The following GALNT10 variants were observed in gnomAD, a reference collection of about 807,000 sequenced individuals.
GALNT10 encodes the protein polypeptide N-acetylgalactosaminyltransferase 10.
Under a neutral mutation model 75.0 loss-of-function variants are expected in GALNT10, and 41 were observed. That is an observed-to-expected ratio of 0.55 (90% CI 0.43 to 0.71). The LOEUF is 0.71. Among genes scored for constraint, GALNT10 ranks in the 30% least tolerant of loss-of-function variants. GALNT10 has a pLI of 0.00. For synonymous variants in GALNT10, 302 were observed against 313.0 expected (o/e 0.96, Z 0.37); for missense variants, 727 against 818.5 (o/e 0.89, Z 1.36).
chr5:154,345,457 C>T (rs1458350344), intron 4 of GALNT10, among the ~76,000 whole-genome samples: 1 of 152,058 alleles, frequency 6.6e-6, no homozygotes, highest in Non-Finnish European at 1.5e-5. Flanking sequence ...CTATTTCCCC[C>T]ACCCGGAGCC....
chr5:154,410,499 C>T (rs1197213692), intron 9 of GALNT10, among the ~76,000 whole-genome samples: 3 of 152,190 alleles, frequency 2.0e-5, no homozygotes, highest in Non-Finnish European at 4.4e-5. Context: ...TTCCAGTGAG[C>T]TGTGCTCGTG....
At chr5:154,230,928 C>T (rs1338288093) in intron 1 of GALNT10, among the ~76,000 whole-genome samples, 1 of 152,216 alleles carries the variant, frequency 6.6e-6, no homozygotes, top group Non-Finnish European at 1.5e-5. Context: ...GAAAGTCAAG[C>T]TTATTTGACG....
chr5:154,301,421 T>G (rs779673702), intron 3 of GALNT10, among the ~76,000 whole-genome samples: 6 of 152,178 alleles, frequency 3.9e-5, no homozygotes. Context: ...ATATAATGAT[T>G]GTATATATTT....
chr5:154,192,816 T>A (rs1315178580), intron 1 of GALNT10, among the ~76,000 whole-genome samples: 2 of 152,164 alleles, frequency 1.3e-5, no homozygotes, highest in Non-Finnish European at 2.9e-5. Flanking sequence ...TGCTTGACAT[T>A]CTGCCTCTGC....
In GALNT10 at chr5:154,368,970, A is replaced by G. The variant is rs113849931; in HGVS notation, c.569-7307A>G. 6.5e-3 allele frequency among the ~76,000 whole-genome samples: 984 copies of G among 152,314 alleles called. 13 individuals are homozygous for G. The highest frequency in any genetic ancestry group is 0.023 in the African/African-American group (948 of 41,570). ...AGCTTTGGAATCAGAAATACCTGCT[A>G]TGATTCCTGGCTGTCACCTACCAGC... On this transcript the variant is annotated intron_variant, in intron 4 of 11. Coordinates refer to ENST00000297107, the MANE Select transcript of GALNT10 (RefSeq NM_198321.4).
At chr5:154,196,869 T>C (rs1222200964) in intron 1 of GALNT10, among the ~76,000 whole-genome samples, 2 of 152,168 alleles carry the variant, frequency 1.3e-5, no homozygotes, top group African/African-American at 4.8e-5. Flanking sequence ...GAGAAGACTC[T>C]GGGTGCTGCT....
chr5:154,384,374 T>C (rs1385777269), intron 6 of GALNT10, among the ~76,000 whole-genome samples: 1 of 152,202 alleles, frequency 6.6e-6, no homozygotes, highest in Non-Finnish European at 1.5e-5. Context: ...ACAGGTAAAA[T>C]TCATCTTAAT....
intron 1 of GALNT10, among the ~76,000 whole-genome samples, chr5:154,266,082 T>C (rs186608849): frequency 2.0e-5 from 3 of 152,302 alleles, no homozygotes; most frequent in East Asian, 3.9e-4. Context: ...AATTTTTCTA[T>C]TGTGGCAAAA....
chr5:154,313,717 C>T (rs1451426383), intron 3 of GALNT10, among the ~76,000 whole-genome samples: 1 of 152,152 alleles, frequency 6.6e-6, no homozygotes, highest in Non-Finnish European at 1.5e-5. Context: ...AAGCTCATGT[C>T]TGTCTCATCC....
intron 4 of GALNT10, chr5:154,347,143 C>G (rs1257164190): frequency 1.9e-6 from 1 of 516,586 alleles, no homozygotes; most frequent in Non-Finnish European, 3.9e-6. Context: ...TTTATGATCT[C>G]ACCGAGTCCT....
At chr5:154,318,665 T>G (rs1754632830) in intron 3 of GALNT10, among the ~76,000 whole-genome samples, 1 of 152,228 alleles carries the variant, frequency 6.6e-6, no homozygotes, top group African/African-American at 2.4e-5. Context: ...CAACAGATGT[T>G]TTCTATTATT....
intron 8 of GALNT10, among the ~76,000 whole-genome samples, chr5:154,407,580 G>A (rs1427731226): frequency 6.6e-6 from 1 of 152,168 alleles, no homozygotes; most frequent in Non-Finnish European, 1.5e-5. Flanking sequence ...TTCAGTTGGA[G>A]TGAAACTACC....
chr5:154,337,594 C>G, intron 4 of GALNT10: 1 of 821,362 alleles, frequency 1.2e-6, no homozygotes, highest in Non-Finnish European at 2.1e-6. Context: ...CTAAAGTTTC[C>G]TCCCTTCATG....
chr5:154,412,992 G>C lies in GALNT10; in HGVS notation c.1490G>C (p.Trp497Ser). 6.2e-7 allele frequency: 1 copy of C among 1,607,050 alleles called. No individual in the cohort carries two copies. Among genetic ancestry groups the C allele is most frequent in the East Asian group, 2.2e-5 (1 of 44,826 alleles). The change falls in exon 10 of 12, where the codon TGG (tryptophan) becomes TCG (serine). Residue 497 changes from tryptophan to serine, a missense_variant. Trp to Ser is a radical substitution (Grantham distance 177). Coordinates refer to ENST00000297107, the MANE Select transcript of GALNT10 (RefSeq NM_198321.4). The surrounding 1 kb of genome is among the most constrained non-coding windows in gnomAD (Gnocchi z 4.2). ...GCVRGRGEAA[W>S]NNMQVFTFTW... ...GTCCGAGGCCGTGGGGAGGCTGCCTGGAACAACATGCAGGTAAGGGCCGCC... is the reference window on the plus strand; with the variant it reads ...GTCCGAGGCCGTGGGGAGGCTGCCTCGAACAACATGCAGGTAAGGGCCGCC...
At chr5:154,332,404 GCT>G (rs1327776412) in intron 4 of GALNT10, among the ~76,000 whole-genome samples, 1 of 152,108 alleles carries the variant, frequency 6.6e-6, no homozygotes, top group African/African-American at 2.4e-5. Flanking sequence ...CACACACCAT[GCT>G]CTGTCCTGCC....
chr5:154,353,468 T>C (rs1036318727), intron 4 of GALNT10, among the ~76,000 whole-genome samples: 1 of 122,022 alleles, frequency 8.2e-6, no homozygotes, highest in Non-Finnish European at 1.7e-5. Flanking sequence ...GCACAGCTCC[T>C]TGGAGTCACT....
chr5:154,349,857 C>T (rs1048170984), intron 4 of GALNT10: 5 of 152,168 alleles, frequency 3.3e-5, no homozygotes, highest in Non-Finnish European at 5.9e-5. Flanking sequence ...TATAGAAGAA[C>T]CATAAGCCCT....
chr5:154,375,745 C>T (rs1384739729), intron 4 of GALNT10, among the ~76,000 whole-genome samples: 1 of 152,156 alleles, frequency 6.6e-6, no homozygotes, highest in Non-Finnish European at 1.5e-5. Context: ...AGGAAAGGGC[C>T]TCATTTTTCA....
At chr5:154,237,805 A>T (rs944900920) in intron 1 of GALNT10, among the ~76,000 whole-genome samples, 1 of 152,196 alleles carries the variant, frequency 6.6e-6, no homozygotes, top group African/African-American at 2.4e-5. Context: ...CTTGCATCAC[A>T]TCAAGGATAC....
Sources: allele counts gnomAD v4.1 joint callset (sites outside exome capture counted in the v4.1 genomes callset), GRCh38; gene constraint gnomAD v4.1.1; non-coding constraint Gnocchi (gnomAD v3.1); transcripts MANE v1.5; gene names NCBI Gene and HGNC (gene_info 2026-07-23, HGNC 2026-07-21).